CFHR2: variants seen among roughly 807,000 people sequenced by gnomAD.
CFHR2 encodes the protein complement factor H related 2.
In CFHR2, 22 loss-of-function variants were observed where a neutral mutation model predicts 21.7. The observed-to-expected ratio is 1.01, with a 90% CI of 0.72 to 1.45. The LOEUF is 1.45. Ranked by LOEUF, CFHR2 falls within the 40% of genes most tolerant of loss-of-function variation. CFHR2 has a pLI of 0.00. For synonymous variants in CFHR2, 98 were observed against 97.4 expected (o/e 1.01, Z -0.04); for missense variants, 294 against 293.3 (o/e 1.00, Z -0.02).
At position 196,946,449 on chromosome 1, in the gene CFHR2, C is replaced by T. The variant is rs1368636190; in HGVS notation, c.58+2511C>T. Among the ~76,000 whole-genome samples the T allele has an allele frequency of 2.1e-3, 309 of 148,048 alleles. 2 individuals are homozygous for T. Among genetic ancestry groups the T allele is most frequent in the African/African-American group, 7.1e-3 (289 of 40,444 alleles). On this transcript the variant is annotated intron_variant, in intron 1 of 4. Transcript: ENST00000367415. Reference sequence around the variant, plus strand: ...CATCAACTTTAATTTTTATGTCTTTCGAGATAATATTTAGCTTAAAAAACA... The same window carrying T: ...CATCAACTTTAATTTTTATGTCTTTTGAGATAATATTTAGCTTAAAAAACA...
chr1:196,954,436 A>T (rs770831362), intron 3 of CFHR2, among the ~76,000 whole-genome samples: 7 of 152,188 alleles, frequency 4.6e-5, no homozygotes, highest in Non-Finnish European at 1.0e-4. Flanking sequence ...TGCATAGTAC[A>T]AGCTGTTGGT....
intron 3 of CFHR2, among the ~76,000 whole-genome samples, chr1:196,957,548 G>C (rs1371452877): frequency 6.6e-6 from 1 of 151,966 alleles, no homozygotes; most frequent in African/African-American, 2.4e-5. Context: ...AATGACTACA[G>C]ACCCAATAAA....
At chr1:196,948,702 T>C (rs1281142728) in intron 1 of CFHR2, among the ~76,000 whole-genome samples, 5 of 151,662 alleles carry the variant, frequency 3.3e-5, no homozygotes, top group Non-Finnish European at 7.4e-5. Flanking sequence ...CTTTTTATTG[T>C]TTTTTTCCGA....
intron 3 of CFHR2, among the ~76,000 whole-genome samples, chr1:196,955,310 C>T (rs1652824889): frequency 6.6e-6 from 1 of 152,124 alleles, no homozygotes; most frequent in African/African-American, 2.4e-5. Context: ...ACTTCATTGT[C>T]CATATCTCTA....
chr1:196,950,506 T>A (rs1659684543), intron 2 of CFHR2, among the ~76,000 whole-genome samples: 1 of 152,094 alleles, frequency 6.6e-6, no homozygotes, highest in Admixed American at 6.6e-5. Context: ...CAGAGTCTCA[T>A]TCTGTCACCC....
chr1:196,946,794 C>T (rs1420276178), intron 1 of CFHR2, among the ~76,000 whole-genome samples: 1 of 152,132 alleles, frequency 6.6e-6, no homozygotes. Flanking sequence ...ATTTTTTTAA[C>T]CAGTAGAAGA....
chr1:196,951,168 A>G (rs544969902), intron 3 of CFHR2, 140 bp downstream of exon 3: 3 of 1,070,738 alleles, frequency 2.8e-6, no homozygotes, highest in Non-Finnish European at 4.0e-6. Flanking sequence ...CTCAGTTCCA[A>G]TTGTGTCTAA....
intron 3 of CFHR2, among the ~76,000 whole-genome samples, chr1:196,953,469 G>A (rs1652731309): frequency 2.0e-5 from 3 of 151,986 alleles, no homozygotes; most frequent in African/African-American, 2.4e-5. Context: ...TCTTAGTAGA[G>A]CCAGGGTTTC....
rs532556291 is a variant in CFHR2, at chr1:196,951,140, A to G, written c.430+112A>G. 19 of 1,248,482 alleles carry G rather than the reference A, an allele frequency of 1.5e-5. No homozygotes were observed. The African/African-American group carries it at 2.1e-4, about 14-fold the overall frequency. The allele number at this position is 1,248,482 out of a possible 1,614,324, so 77.3% of individuals were successfully genotyped here. ...AATATAGGTTTTGCCACATACTTCTATCATTATTCATTTGATTCTCAGTTC... is the reference window on the plus strand; with the variant it reads ...AATATAGGTTTTGCCACATACTTCTGTCATTATTCATTTGATTCTCAGTTC... On this transcript the variant is annotated intron_variant, in intron 3 of 4. Transcript: ENST00000367415.
chr1:196,947,153 G>A (rs1659536462), intron 1 of CFHR2, among the ~76,000 whole-genome samples: 2 of 151,776 alleles, frequency 1.3e-5, no homozygotes, highest in African/African-American at 4.8e-5. Context: ...GTGTGTGTGT[G>A]TATCCCAGAA....
intron 3 of CFHR2, among the ~76,000 whole-genome samples, chr1:196,951,389 ATAAG>A (rs1558269339): frequency 6.6e-6 from 1 of 152,240 alleles, no homozygotes; most frequent in Non-Finnish European, 1.5e-5. Flanking sequence ...AAAATGTCTT[ATAAG>A]TAAGACAGCA....
chr1:196,952,541 G>T (rs1373554469), intron 3 of CFHR2, among the ~76,000 whole-genome samples: 2 of 152,132 alleles, frequency 1.3e-5, no homozygotes, highest in Non-Finnish European at 1.5e-5. Context: ...CATTTCGTGG[G>T]ATGATGGCTA....
chr1:196,957,503 G>A (rs1334826698), intron 3 of CFHR2, among the ~76,000 whole-genome samples: 1 of 151,938 alleles, frequency 6.6e-6, no homozygotes, highest in Admixed American at 6.6e-5. Context: ...AGGAGTTAAT[G>A]TTTCTTTTGT....
Position 196,959,129 on chromosome 1 carries a change from CTATTA to C in CFHR2, c.*54_*58del, listed in dbSNP as rs1558274453. The stretch of plus-strand genomic sequence containing the variant: ...AAATGCACACCTTTTTCTGAATTTA[CTATTA>C]TATTTGTTTTCAATTTCATTTTTCA... On this transcript the variant is annotated 3_prime_UTR_variant, in exon 5 of 5. Coordinates refer to ENST00000367415, the MANE Select transcript of CFHR2 (RefSeq NM_005666.4). 1 of 1,256,178 alleles carries C rather than the reference CTATTA, an allele frequency of 8.0e-7. No individual in the cohort carries two copies. Among genetic ancestry groups the C allele is most frequent in the Admixed American group, 2.2e-5 (1 of 45,072 alleles). The allele number at this position is 1,256,178 out of a possible 1,614,324, so 77.8% of individuals were successfully genotyped here. A position where few individuals can be genotyped will look rare whatever the true frequency, so the allele number is the denominator to read the frequency against.
At chr1:196,953,987 T>G (rs1652760694) in intron 3 of CFHR2, among the ~76,000 whole-genome samples, 1 of 152,216 alleles carries the variant, frequency 6.6e-6, no homozygotes, top group Non-Finnish European at 1.5e-5. Context: ...TATACATAAC[T>G]ATTTCTAATT....
In CFHR2 at chr1:196,957,991, G is replaced by A. The variant is rs781385856; in HGVS notation, c.531G>A (p.Gln177=). 11 of 1,613,600 alleles carry A rather than the reference G, an allele frequency of 6.8e-6. No individual in the cohort carries two copies. The highest frequency in any genetic ancestry group is 1.3e-5 in the African/African-American group (1 of 74,878). The change falls in exon 4 of 5, where the codon CAG becomes CAA. Residue 177 remains glutamine, a synonymous_variant. Transcript: ENST00000367415. ...CTCCAGGTTCATCAGTTGAGTACCA[G>A]TGCCAGAACTTGTATCAACTTGAGG... ...VYAPGSSVEY[Q]CQNLYQLEGN... is the part of the protein sequence containing the mutation.
chr1:196,955,717 G>GT (rs34137493), intron 3 of CFHR2, among the ~76,000 whole-genome samples: 3 of 151,736 alleles, frequency 2.0e-5, no homozygotes, highest in Non-Finnish European at 4.4e-5. Flanking sequence ...GCATGGTGGT[G>GT]ACTCCTGTAA....
At chr1:196,954,290 G>T (rs1237539439) in intron 3 of CFHR2, among the ~76,000 whole-genome samples, 1 of 152,210 alleles carries the variant, frequency 6.6e-6, no homozygotes, top group Admixed American at 6.5e-5. Context: ...TTGACTCCTC[G>T]TCTCACATCC....
chr1:196,956,830 G>A (rs189558134), intron 3 of CFHR2, among the ~76,000 whole-genome samples: 2 of 150,682 alleles, frequency 1.3e-5, no homozygotes, highest in East Asian at 3.9e-4. Context: ...ATTTATTCTA[G>A]ATATTTTAGG....
Sources: gnomAD v4.1 joint callset for allele counts (sites outside exome capture counted in the v4.1 genomes callset) on GRCh38, gnomAD v4.1.1 for gene constraint, MANE v1.5 for transcripts, NCBI Gene and HGNC (gene_info 2026-07-23, HGNC 2026-07-21) for gene names.